Variants in KHDRBS2 observed in about 807,000 individuals in gnomAD.
The protein encoded by KHDRBS2 is KH domain-containing, RNA-binding, signal transduction-associated protein 2.
In KHDRBS2, 26 loss-of-function variants were observed where a neutral mutation model predicts 44.3. The observed-to-expected ratio is 0.59, with a 90% CI of 0.43 to 0.81. The LOEUF (loss-of-function observed/expected upper bound fraction) is 0.81, where lower values mean the gene tolerates loss of function less well. KHDRBS2 is among the 40% of genes least tolerant of loss of function. KHDRBS2 has a pLI of 0.00. For synonymous variants in KHDRBS2, 194 were observed against 151.1 expected, an observed-to-expected ratio of 1.28 and a Z score of -2.08; for missense variants, 476 against 433.1, an observed-to-expected ratio of 1.10 and a Z score of -0.88.
At chr6:61,579,981 C>T in the KHDRBS2 span, among the ~76,000 whole-genome samples, 45 of 151,998 alleles carry the variant, frequency 3.0e-4, no homozygotes, top group African/African-American at 9.6e-4. Context: ...CACTTGAACC[C>T]GGGAGGTGGA....
chr6:62,237,198 G>T (rs1399611644), intron 1 of KHDRBS2, among the ~76,000 whole-genome samples: 2 of 152,032 alleles, frequency 1.3e-5, no homozygotes, highest in Admixed American at 1.3e-4. Context: ...GAAGATAGAG[G>T]CTCTAAAAGT....
chr6:61,747,825 T>C (rs1223078445), intron 6 of KHDRBS2, among the ~76,000 whole-genome samples: 1 of 152,210 alleles, frequency 6.6e-6, no homozygotes, highest in African/African-American at 2.4e-5. Context: ...ATCCTGTTCT[T>C]AGTCATGACA....
At chr6:61,640,183 G>T in the KHDRBS2 span, among the ~76,000 whole-genome samples, 1 of 151,910 alleles carries the variant, frequency 6.6e-6, no homozygotes, top group Non-Finnish European at 1.5e-5. Flanking sequence ...AAAAGTATGA[G>T]GAATAATAAA....
At chr6:61,791,432 T>A (rs1482800149) in intron 6 of KHDRBS2, among the ~76,000 whole-genome samples, 1 of 151,614 alleles carries the variant, frequency 6.6e-6, no homozygotes, top group Non-Finnish European at 1.5e-5. Context: ...AAGATTTTTA[T>A]TATCATTGAA....
At chr6:62,137,864 C>T (rs534045406) in intron 2 of KHDRBS2, among the ~76,000 whole-genome samples, 65 of 152,090 alleles carry the variant, frequency 4.3e-4, no homozygotes, top group Middle Eastern at 6.8e-3. Flanking sequence ...TTCTGGTGTC[C>T]CAAAGTTACA....
intron 1 of KHDRBS2, among the ~76,000 whole-genome samples, chr6:62,251,513 A>G (rs1836529557): frequency 6.6e-6 from 1 of 151,824 alleles, no homozygotes; most frequent in South Asian, 2.1e-4. Context: ...TGTAAATGGC[A>G]GAGGTGAGAT....
chr6:61,941,010 T>A (rs1812024433), intron 4 of KHDRBS2, among the ~76,000 whole-genome samples: 1 of 152,128 alleles, frequency 6.6e-6, no homozygotes, highest in Admixed American at 6.5e-5. Context: ...TCCCAAACAT[T>A]TCACCAGTGG....
At chr6:62,238,955 T>C (rs1395070368) in intron 1 of KHDRBS2, among the ~76,000 whole-genome samples, 2 of 152,110 alleles carry the variant, frequency 1.3e-5, no homozygotes, top group Non-Finnish European at 2.9e-5. Flanking sequence ...ATCTAAGCAA[T>C]GTAATGATGC....
At chr6:61,629,580 A>G in the KHDRBS2 span, among the ~76,000 whole-genome samples, 1 of 152,212 alleles carries the variant, frequency 6.6e-6, no homozygotes, top group African/African-American at 2.4e-5. Flanking sequence ...TTAAAGAAAG[A>G]TAAAGTCCTA....
At chr6:62,168,301 G>A (rs1207053766) in intron 2 of KHDRBS2, among the ~76,000 whole-genome samples, 2 of 152,092 alleles carry the variant, frequency 1.3e-5, no homozygotes, top group East Asian at 3.9e-4. Flanking sequence ...AGTGGGCCTT[G>A]GGGCAAATTT....
chr6:61,949,563 C>T (rs933633929), intron 4 of KHDRBS2, among the ~76,000 whole-genome samples: 1 of 151,752 alleles, frequency 6.6e-6, no homozygotes, highest in African/African-American at 2.4e-5. Context: ...AAAGTTTTGC[C>T]CCCAAATTCC....
chr6:61,770,225 A>C (rs943870131), intron 6 of KHDRBS2, among the ~76,000 whole-genome samples: 3 of 152,166 alleles, frequency 2.0e-5, no homozygotes, highest in African/African-American at 7.2e-5. Context: ...ATAAAACCAC[A>C]AAGATGGGAA....
the KHDRBS2 span, among the ~76,000 whole-genome samples, chr6:61,574,984 C>T: frequency 2.6e-5 from 4 of 152,120 alleles, no homozygotes; most frequent in East Asian, 5.8e-4. Context: ...GGATGAAAAA[C>T]TTTAAGATCT....
intron 4 of KHDRBS2, among the ~76,000 whole-genome samples, chr6:61,967,750 T>C (rs1464695727): frequency 1.3e-5 from 2 of 151,730 alleles, no homozygotes; most frequent in African/African-American, 4.8e-5. Context: ...CACAGTTCTC[T>C]GTGAGGCTCT....
chr6:62,213,548 C>T (rs1829449084), intron 1 of KHDRBS2, among the ~76,000 whole-genome samples: 1 of 151,942 alleles, frequency 6.6e-6, no homozygotes, highest in Non-Finnish European at 1.5e-5. Context: ...TTAGCAGAAT[C>T]ATGGGGAAAG....
chr6:61,549,621 A>C, the KHDRBS2 span, among the ~76,000 whole-genome samples: 1 of 152,174 alleles, frequency 6.6e-6, no homozygotes, highest in Non-Finnish European at 1.5e-5. Context: ...AAGTATATGA[A>C]GAAAATCAGG....
chr6:62,099,372 G>A (rs1562855158), intron 2 of KHDRBS2, among the ~76,000 whole-genome samples: 5 of 152,146 alleles, frequency 3.3e-5, no homozygotes, highest in Admixed American at 2.6e-4. Context: ...CAAAATCCAG[G>A]TTTGCCAAGA....
At chr6:61,632,292 G>A in the KHDRBS2 span, among the ~76,000 whole-genome samples, 1 of 152,046 alleles carries the variant, frequency 6.6e-6, no homozygotes, top group South Asian at 2.1e-4. Context: ...CCTAGTATGA[G>A]AATCTAGTAA....
At chr6:62,043,329 T>C (rs1786965477) in intron 3 of KHDRBS2, among the ~76,000 whole-genome samples, 1 of 152,098 alleles carries the variant, frequency 6.6e-6, no homozygotes, top group African/African-American at 2.4e-5. Flanking sequence ...TTTGTGGTTG[T>C]TTAGAACCAG....
Sources: allele counts gnomAD v4.1 joint callset (sites outside exome capture counted in the v4.1 genomes callset), GRCh38; gene constraint gnomAD v4.1.1; transcripts MANE v1.5; gene names NCBI Gene and HGNC (gene_info 2026-07-23, HGNC 2026-07-21).